ARMC2: variants seen among roughly 807,000 people sequenced by gnomAD.
ARMC2 encodes the protein armadillo repeat containing 2.
Under a neutral mutation model 90.3 loss-of-function variants are expected in ARMC2, and 67 were observed. That is an observed-to-expected ratio of 0.74 (90% confidence interval 0.61 to 0.91). ARMC2 has a LOEUF of 0.91. Among genes scored for constraint, ARMC2 ranks in the 40% least tolerant of loss-of-function variants. The pLI, the probability that ARMC2 is intolerant of heterozygous loss-of-function variation, is 0.00. For synonymous variants in ARMC2, 393 were observed against 393.0 expected (o/e 1.00, Z 0.00); for missense variants, 920 against 1,030.9 (o/e 0.89, Z 1.47).
At chr6:109,042,517 C>T in the ARMC2 span, among the ~76,000 whole-genome samples, 1 of 145,952 alleles carries the variant, frequency 6.9e-6, no homozygotes, top group Non-Finnish European at 1.5e-5. Flanking sequence ...AGGAATGAAA[C>T]AGAGGATTAT....
At chr6:108,972,886 T>C (rs1162360821) in intron 17 of ARMC2, among the ~76,000 whole-genome samples, 1 of 151,880 alleles carries the variant, frequency 6.6e-6, no homozygotes. Flanking sequence ...CAAGCTAATC[T>C]TGAACTCTGG....
rs1048923453 is a variant in ARMC2, at chr6:108,950,955, T to A, written c.1597-2078T>A. On this transcript the variant is annotated intron_variant, in intron 12 of 17. Transcript: ENST00000392644. ...AAAACTCTGGTGAGACTACTAGGCC[T>A]GTGCCACTGAGTTTATTGCTATTAG... Among the ~76,000 whole-genome samples, 4 of 152,204 alleles carry A rather than the reference T, an allele frequency of 2.6e-5. No individual in the cohort carries two copies. In the South Asian group the frequency reaches 8.3e-4, roughly 32 times the overall value.
intron 5 of ARMC2, among the ~76,000 whole-genome samples, chr6:108,885,230 GT>G (rs1352469923): frequency 5.8e-3 from 60 of 10,304 alleles, no homozygotes; most frequent in Middle Eastern, 0.1. Context: ...GCCAAGGGGT[GT>G]GTGTGTGTGT....
At chr6:108,957,623 T>G (rs1287886479) in intron 13 of ARMC2, among the ~76,000 whole-genome samples, 3 of 152,146 alleles carry the variant, frequency 2.0e-5, no homozygotes, top group Non-Finnish European at 2.9e-5. Context: ...TCCCTTAGGC[T>G]CTTTTCTTCC....
intron 10 of ARMC2, among the ~76,000 whole-genome samples, chr6:108,924,431 T>C (rs1261687939): frequency 1.3e-5 from 2 of 151,894 alleles, no homozygotes; most frequent in African/African-American, 4.8e-5. Context: ...GGCAGGAGAA[T>C]CGCTTGAACC....
At chr6:109,040,606 T>C in the ARMC2 span, among the ~76,000 whole-genome samples, 5 of 152,152 alleles carry the variant, frequency 3.3e-5, 1 homozygote, top group South Asian at 1.0e-3. Flanking sequence ...TGAATTTAAC[T>C]TCTTGAAAAC....
chr6:109,011,631 TC>T, the ARMC2 span, among the ~76,000 whole-genome samples: 8 of 149,100 alleles, frequency 5.4e-5, no homozygotes, highest in Admixed American at 4.0e-4. Context: ...AAATTTTTTT[TC>T]TTTTTTTTTT....
rs534648826 is a variant in ARMC2, at chr6:108,883,929, A to T, written c.671+7579A>T. Among the ~76,000 whole-genome samples the T allele has an allele frequency of 5.9e-5, 9 of 151,878 alleles. No individual in the cohort carries two copies. In the East Asian group the frequency reaches 1.7e-3, roughly 29 times the overall value. ...GGAATGATGTTGACCACATATTATGATGTTTATTTCTGGGTGGTGGGATCC... is the reference window on the plus strand; with the variant it reads ...GGAATGATGTTGACCACATATTATGTTGTTTATTTCTGGGTGGTGGGATCC... On this transcript the variant is annotated intron_variant, in intron 5 of 17. Coordinates refer to ENST00000392644, the MANE Select transcript of ARMC2 (RefSeq NM_032131.6).
intron 2 of ARMC2, among the ~76,000 whole-genome samples, chr6:108,856,074 ATTCT>A (rs1353084640): frequency 6.6e-6 from 1 of 152,158 alleles, no homozygotes; most frequent in African/African-American, 2.4e-5. Flanking sequence ...AAGCTTATCA[ATTCT>A]TTCTTTCATG....
At chr6:109,004,735 C>T in the ARMC2 span, among the ~76,000 whole-genome samples, 2 of 151,496 alleles carry the variant, frequency 1.3e-5, no homozygotes, top group South Asian at 2.1e-4. Flanking sequence ...GACCAACAAT[C>T]GTATTTTAAA....
chr6:108,921,321 TAA>T (rs1489686471), intron 10 of ARMC2, among the ~76,000 whole-genome samples: 1 of 152,184 alleles, frequency 6.6e-6, no homozygotes, highest in East Asian at 1.9e-4. Context: ...AGCCAAATGT[TAA>T]ATAGAGTCTC....
chr6:108,958,370 C>CA (rs1409037834), intron 13 of ARMC2, among the ~76,000 whole-genome samples: 2 of 152,168 alleles, frequency 1.3e-5, no homozygotes, highest in Non-Finnish European at 2.9e-5. Context: ...CTTGTAAGTG[C>CA]ATGTAAAACT....
intron 8 of ARMC2, among the ~76,000 whole-genome samples, chr6:108,908,882 C>T (rs547245175): frequency 6.6e-6 from 1 of 152,020 alleles, no homozygotes; most frequent in African/African-American, 2.4e-5. Flanking sequence ...CCAGCCTGGC[C>T]AACATGGTGA....
In ARMC2 at chr6:108,894,555, C is replaced by T. The variant is rs757804284; in HGVS notation, c.748+12C>T. The T allele has an allele frequency of 1.1e-5, 17 of 1,588,020 alleles. No individual in the cohort carries two copies. The highest frequency in any genetic ancestry group is 1.4e-5 in the Non-Finnish European group (16 of 1,169,960). On this transcript the variant is annotated intron_variant, in intron 6 of 17. Coordinates refer to ENST00000392644, the MANE Select transcript of ARMC2 (RefSeq NM_032131.6). ...GCAAACCAAAGCAGGTGAGGGGTCC[C>T]CACACTCCTTCATCTACAGCATCTC...
At chr6:109,028,679 T>C in the ARMC2 span, among the ~76,000 whole-genome samples, 1 of 152,168 alleles carries the variant, frequency 6.6e-6, no homozygotes, top group Non-Finnish European at 1.5e-5. Context: ...TGATGCCACA[T>C]GGAAGACTGG....
At chr6:108,858,805 G>A (rs972660648) in intron 3 of ARMC2, among the ~76,000 whole-genome samples, 1 of 151,998 alleles carries the variant, frequency 6.6e-6, no homozygotes, top group South Asian at 2.1e-4. Flanking sequence ...AAGCTCTTTC[G>A]ACACATCCTT....
At chr6:109,016,931 G>T in the ARMC2 span, among the ~76,000 whole-genome samples, 1 of 151,964 alleles carries the variant, frequency 6.6e-6, no homozygotes, top group East Asian at 1.9e-4. Context: ...GATATAAATT[G>T]GAGAGGGTAA....
chr6:109,045,511 AACTT>A, the ARMC2 span, among the ~76,000 whole-genome samples: 6 of 152,354 alleles, frequency 3.9e-5, no homozygotes, highest in East Asian at 1.2e-3. Context: ...TACTGAGTTC[AACTT>A]ACTTACAGTT....
chr6:108,868,097 T>TA (rs1776010215), intron 3 of ARMC2, among the ~76,000 whole-genome samples: 1 of 152,228 alleles, frequency 6.6e-6, no homozygotes, highest in African/African-American at 2.4e-5. Context: ...ATGTACCACT[T>TA]ACATTCCACA....
Sources: gnomAD v4.1 joint callset for allele counts (sites outside exome capture counted in the v4.1 genomes callset) on GRCh38, gnomAD v4.1.1 for gene constraint, MANE v1.5 for transcripts, NCBI Gene and HGNC (gene_info 2026-07-23, HGNC 2026-07-21) for gene names.